The following DNER variants were observed in gnomAD, a reference collection of about 807,000 sequenced individuals.
DNER encodes the protein delta/notch like EGF repeat containing.
A neutral mutation model predicts 78.2 loss-of-function variants in DNER; 33 were observed. The ratio of observed to expected loss-of-function variants is 0.42; its 90% CI spans 0.32 to 0.56. The LOEUF (loss-of-function observed/expected upper bound fraction) is 0.56. Ranked by LOEUF, DNER falls within the 20% of genes least tolerant of loss-of-function variation. The probability of loss-of-function intolerance (pLI) is 0.11; values close to 1 mark genes in which losing one functional copy is unlikely to be tolerated. For synonymous variants in DNER, 417 were observed against 384.8 expected, an observed-to-expected ratio of 1.08 and a Z score of -0.98; for missense variants, 918 against 975.3, an observed-to-expected ratio of 0.94 and a Z score of 0.78.
chr2:229,427,216 A>G (rs2106353227), intron 8 of DNER, among the ~76,000 whole-genome samples: 1 of 152,376 alleles, frequency 6.6e-6, no homozygotes. Flanking sequence ...AGGATGGATG[A>G]TGAAAAGCCA....
intron 9 of DNER, among the ~76,000 whole-genome samples, chr2:229,409,511 G>T (rs370650625): frequency 2.0e-5 from 3 of 152,152 alleles, no homozygotes; most frequent in African/African-American, 4.8e-5. Flanking sequence ...CAAATTCTAG[G>T]CCAAATATTT....
chr2:229,571,538 AG>A (rs1183310171), intron 4 of DNER, among the ~76,000 whole-genome samples: 5 of 151,738 alleles, frequency 3.3e-5, no homozygotes, highest in African/African-American at 1.2e-4. Context: ...CTTCCTCCCC[AG>A]CAGCTTCCAT....
chr2:229,628,830 C>G (rs1003834043), intron 1 of DNER, among the ~76,000 whole-genome samples: 2 of 152,192 alleles, frequency 1.3e-5, no homozygotes, highest in Admixed American at 6.5e-5. Flanking sequence ...CCCCGGACAT[C>G]AAAAAGGTAC....
chr2:229,512,760 T>C, intron 6 of DNER, 23 bp downstream of exon 6: 1 of 1,613,750 alleles, frequency 6.2e-7, no homozygotes, highest in South Asian at 1.1e-5. Flanking sequence ...ACCTAATAAC[T>C]GAACCATGAG....
At chr2:229,523,284 T>C (rs1179261417) in intron 5 of DNER, among the ~76,000 whole-genome samples, 1 of 152,216 alleles carries the variant, frequency 6.6e-6, no homozygotes, top group African/African-American at 2.4e-5. Context: ...ACTCTTTCTG[T>C]ATTCGTTTGC....
chr2:229,542,219 C>G (rs535707391), intron 5 of DNER, among the ~76,000 whole-genome samples: 1 of 151,922 alleles, frequency 6.6e-6, no homozygotes, highest in South Asian at 2.1e-4. Flanking sequence ...CCTTGATGAA[C>G]AAGTTCAGAG....
chr2:229,662,253 T>C (rs1018274102), intron 1 of DNER, among the ~76,000 whole-genome samples: 1 of 152,176 alleles, frequency 6.6e-6, no homozygotes, highest in East Asian at 1.9e-4. Context: ...CTTCACCCAT[T>C]GCAGATGCAG....
In DNER at chr2:229,714,409, G is replaced by A. The variant is rs1699963047; in HGVS notation, c.15C>T (p.Arg5=). The change falls in exon 1 of 13, where the codon CGC becomes CGT. Residue 5 remains arginine, a synonymous_variant. Coordinates refer to ENST00000341772, the MANE Select transcript of DNER (RefSeq NM_139072.4). ...GCAGCTGCGCACCGGGCGCCTGGGC[G>A]CGGCGGGGCTGCATGGCCGGCCGGG... MQPR[R]AQAPGAQLLP... 2 of 1,164,266 alleles carry A rather than the reference G, an allele frequency of 1.7e-6. No homozygotes were observed. Among genetic ancestry groups the A allele is most frequent in the South Asian group, 4.1e-5 (1 of 24,228 alleles). 72.1% of individuals were successfully genotyped at this position (1,164,266 alleles called of 1,614,324 possible).
At chr2:229,375,333 T>A (rs1692573661) in intron 11 of DNER, among the ~76,000 whole-genome samples, 1 of 152,192 alleles carries the variant, frequency 6.6e-6, no homozygotes. Context: ...GGCCTAAGGC[T>A]CAGAGACCTT....
chr2:229,551,891 C>T (rs1210542039), intron 4 of DNER, among the ~76,000 whole-genome samples: 3 of 151,838 alleles, frequency 2.0e-5, no homozygotes, highest in Admixed American at 6.6e-5. Flanking sequence ...GAGATTGCAC[C>T]ACTGCACTCC....
intron 7 of DNER, among the ~76,000 whole-genome samples, chr2:229,448,267 G>A (rs34680221): frequency 0.19 from 29,071 of 151,978 alleles, 3,018 homozygotes; most frequent in South Asian, 0.3. Flanking sequence ...AGCTAGGCAC[G>A]AAATACTACA....
At chr2:229,427,742 C>T (rs576121846) in intron 8 of DNER, among the ~76,000 whole-genome samples, 72 of 152,242 alleles carry the variant, frequency 4.7e-4, no homozygotes, top group African/African-American at 1.6e-3. Context: ...TTGTTCCAGA[C>T]ATGGATTGCA....
chr2:229,615,793 CAA>C (rs35303436), intron 1 of DNER, among the ~76,000 whole-genome samples: 17 of 149,288 alleles, frequency 1.1e-4, no homozygotes, highest in East Asian at 7.9e-4. Context: ...AGACTAGCGG[CAA>C]AAAAAAAAAA....
intron 1 of DNER, among the ~76,000 whole-genome samples, chr2:229,637,649 A>C (rs1161122162): frequency 2.6e-5 from 4 of 152,230 alleles, no homozygotes; most frequent in Non-Finnish European, 2.9e-5. Context: ...ATTCAGAGAC[A>C]TCACCTTGGT....
intron 4 of DNER, among the ~76,000 whole-genome samples, chr2:229,571,292 C>T (rs1697214772): frequency 6.6e-6 from 1 of 152,242 alleles, no homozygotes; most frequent in South Asian, 2.1e-4. Flanking sequence ...GGAAGCCACA[C>T]TCAGAGTTTA....
At chr2:229,614,093 G>T (rs1226498843) in intron 1 of DNER, among the ~76,000 whole-genome samples, 4 of 150,458 alleles carry the variant, frequency 2.7e-5, no homozygotes. Context: ...CGAGTTAATG[G>T]GTGCAGCACA....
intron 6 of DNER, among the ~76,000 whole-genome samples, chr2:229,485,118 T>C (rs569655203): frequency 6.6e-6 from 1 of 152,338 alleles, no homozygotes; most frequent in East Asian, 1.9e-4. Flanking sequence ...AGAGATTTTA[T>C]TGTTTCTTTG....
At chr2:229,544,775 C>A (rs1559162353) in intron 5 of DNER, among the ~76,000 whole-genome samples, 1 of 152,130 alleles carries the variant, frequency 6.6e-6, no homozygotes, top group East Asian at 1.9e-4. Context: ...CTCAGGTGAT[C>A]CGCCAGCTTC....
At chr2:229,689,667 A>C (rs1223792481) in intron 1 of DNER, among the ~76,000 whole-genome samples, 1 of 152,126 alleles carries the variant, frequency 6.6e-6, no homozygotes, top group Non-Finnish European at 1.5e-5. Flanking sequence ...GGTGCTGGGG[A>C]GTGGGGAGGG....
Sources: allele counts gnomAD v4.1 joint callset (sites outside exome capture counted in the v4.1 genomes callset), GRCh38; gene constraint gnomAD v4.1.1; transcripts MANE v1.5; gene names NCBI Gene and HGNC (gene_info 2026-07-23, HGNC 2026-07-21).